The following SLC5A9 variants were observed in gnomAD, a reference collection of about 807,000 sequenced individuals.
SLC5A9 encodes the protein sodium/glucose cotransporter 4.
SLC5A9 carries 59 observed loss-of-function variants against 70.9 expected under a neutral mutation model. That is an observed-to-expected ratio of 0.83 (90% confidence interval 0.68 to 1.03). The LOEUF is 1.03. SLC5A9 is among the 50% of genes least tolerant of loss of function. The pLI is 0.00. For synonymous variants in SLC5A9, 340 were observed against 346.5 expected (o/e 0.98, Z 0.21); for missense variants, 832 against 881.1 (o/e 0.94, Z 0.71).
In SLC5A9 at chr1:48,242,492, C is replaced by A. The variant is rs747757681; in HGVS notation, c.1713C>A (p.Pro571=). The A allele has an allele frequency of 1.2e-6, 2 of 1,612,538 alleles. No individual in the cohort carries two copies. Among genetic ancestry groups the A allele is most frequent in the Admixed American group, 1.7e-5 (1 of 59,900 alleles). ...TRLTWWTRNC[P]LSELEKEAHE... ...TCACATGGTGGACTCGGAACTGCCC[C>A]CTCTCTGAGCTGGAGAAGGAGGCCC... The change falls in exon 13 of 14, where the codon CCC becomes CCA. Residue 571 remains proline, a synonymous_variant. Coordinates refer to ENST00000438567, the MANE Select transcript of SLC5A9 (RefSeq NM_001011547.3).
At chr1:48,236,239 T>TA (rs899910044) in intron 10 of SLC5A9, among the ~76,000 whole-genome samples, 21 of 151,680 alleles carry the variant, frequency 1.4e-4, no homozygotes, top group East Asian at 1.9e-4. Context: ...TAAGCCCGGT[T>TA]AAAAAAAAAT....
chr1:48,242,657 CA>C (rs747381043), intron 13 of SLC5A9, 41 bp downstream of exon 13: 152 of 1,555,122 alleles, frequency 9.8e-5, no homozygotes, highest in African/African-American at 1.8e-4. Context: ...CACAGAGGAA[CA>C]GGGGGGACAG....
intron 12 of SLC5A9, chr1:48,242,074 A>G (rs1644397433): frequency 2.2e-6 from 1 of 462,100 alleles, no homozygotes; most frequent in Admixed American, 2.3e-5. Context: ...GTGACTCTCC[A>G]TTGCCTACAG....
In SLC5A9 at chr1:48,222,734, C is replaced by T; in HGVS notation, c.-3C>T. On this transcript the variant is annotated 5_prime_UTR_variant, in exon 1 of 14. Coordinates refer to ENST00000438567, the MANE Select transcript of SLC5A9 (RefSeq NM_001011547.3). ...CCAGCCTGCTGTTGACCAACACTAA[C>T]AGATGAGCAAGGAGCTGGCAGCAAT... 6.2e-7 allele frequency: 1 copy of T among 1,614,118 alleles called. No individual in the cohort carries two copies. Among genetic ancestry groups the T allele is most frequent in the Non-Finnish European group, 8.5e-7 (1 of 1,180,008 alleles).
Position 48,233,716 on chromosome 1 carries a change from T to C in SLC5A9, c.1095T>C (p.Cys365=). ...GAATCTGTGGGGCCCGAGTGGGATG[T>C]TCCAACATTGCCTACCCTAAGTTGG... is the stretch of plus-strand genomic sequence containing the variant. ...CQRICGARVG[C]SNIAYPKLVM... The change falls in exon 9 of 14, where the codon TGT becomes TGC. Residue 365 remains cysteine (C), a synonymous_variant. Coordinates refer to ENST00000438567, the MANE Select transcript of SLC5A9 (RefSeq NM_001011547.3). 6.2e-7 allele frequency: 1 copy of C among 1,614,120 alleles called. No homozygotes were observed. Among genetic ancestry groups the C allele is most frequent in the Non-Finnish European group, 8.5e-7 (1 of 1,180,020 alleles).
chr1:48,233,558 C>A, intron 8 of SLC5A9, 97 bp from the exon 9 acceptor site: 1 of 886,478 alleles, frequency 1.1e-6, no homozygotes, highest in South Asian at 1.4e-5. Context: ...GTCAGAGTCT[C>A]CAGTGAACAT....
intron 3 of SLC5A9, 67 bp from the exon 4 acceptor site, chr1:48,229,228 G>T: frequency 1.9e-6 from 3 of 1,614,056 alleles, no homozygotes; most frequent in Non-Finnish European, 2.5e-6. Flanking sequence ...ACTGCCTCTG[G>T]GTGGGAAGCC....
Position 48,229,419 on chromosome 1 carries a change from C to T in SLC5A9, c.464C>T (p.Ser155Phe), listed in dbSNP as rs1286489866. 2 of 1,614,152 alleles carry T rather than the reference C, an allele frequency of 1.2e-6. No individual in the cohort carries two copies. The highest frequency in any genetic ancestry group is 1.7e-6 in the Non-Finnish European group (2 of 1,180,026). ...GGCCAGAGGATCCAGGTGTACATGT[C>T]TGTCCTGTCTCTCATCCTCTACATC... ...FGGQRIQVYM[S>F]VLSLILYIFT... The change falls in exon 4 of 14, where the codon TCT (serine) becomes TTT (phenylalanine). Residue 155 changes from serine (S) to phenylalanine (F), a missense_variant. Ser to Phe is a radical substitution (Grantham distance 155). Transcript: ENST00000438567.
In SLC5A9 at chr1:48,229,323, G is replaced by C; in HGVS notation, c.368G>C (p.Trp123Ser). 1 of 1,614,164 alleles carries C rather than the reference G, an allele frequency of 6.2e-7. No individual in the cohort carries two copies. The highest frequency in any genetic ancestry group is 8.5e-7 in the Non-Finnish European group (1 of 1,180,040). ...NATWLLLALG[W>S]VFVPVYIAAG... ...ACCTGGCTGCTCCTGGCCCTTGGCT[G>C]GGTCTTCGTCCCTGTGTACATCGCA... is the stretch of plus-strand genomic sequence containing the variant. The change falls in exon 4 of 14, where the codon TGG becomes TCG. Residue 123 changes from tryptophan (W) to serine (S), a missense_variant. Transcript: ENST00000438567.
chr1:48,237,242 C>T (rs945275349), intron 10 of SLC5A9, among the ~76,000 whole-genome samples: 3 of 151,096 alleles, frequency 2.0e-5, no homozygotes, highest in South Asian at 4.2e-4. Flanking sequence ...AGGATCAGCG[C>T]GTGGAGGAAG....
chr1:48,227,135 G>A (rs1422384232), intron 2 of SLC5A9, among the ~76,000 whole-genome samples: 4 of 148,402 alleles, frequency 2.7e-5, no homozygotes, highest in Non-Finnish European at 4.4e-5. Context: ...GTATGTGTGC[G>A]ACGGTGCAAG....
In SLC5A9 at chr1:48,235,943, C is replaced by A. The variant is rs897768057; in HGVS notation, c.1292+64C>A. ...CTCCCCTCTGCCCTGCCCTGGGTTA[C>A]CCTGAACAGAGGTGGCTGGGTTGGA... On this transcript the variant is annotated intron_variant, in intron 10 of 13. Transcript: ENST00000438567. The A allele has an allele frequency of 4.4e-6, 7 of 1,598,150 alleles. No homozygotes were observed. In the Admixed American group the frequency reaches 5.0e-5, roughly 11 times the overall value.
In SLC5A9 at chr1:48,229,387, AT is replaced by A. The variant is rs749340040; in HGVS notation, c.435del (p.Phe145LeufsTer52). 9 of 1,614,016 alleles carry A rather than the reference AT, an allele frequency of 5.6e-6. No homozygotes were observed. The East Asian group carries it at 2.0e-4, about 36-fold the overall frequency. ...CAATGCCGCAGTATCTGAAGAAGCG[AT>A]TTGGGGGCCAGAGGATCCAGGTGTA... is the stretch of plus-strand genomic sequence containing the variant. Reference protein sequence around the residue: ...VTMPQYLKKRFGGQRIQVYMS... With the variant: ...VTMPQYLKKRXGGQRIQVYMS... On this transcript the variant is annotated frameshift_variant, in exon 4 of 14. Coordinates refer to ENST00000438567, the MANE Select transcript of SLC5A9 (RefSeq NM_001011547.3). LOFTEE classifies it high-confidence loss of function.
Position 48,244,400 on chromosome 1 carries a change from C to G in SLC5A9, c.1837+1784C>G, listed in dbSNP as rs75928426. Among the ~76,000 whole-genome samples the G allele has an allele frequency of 6.0e-3, 911 of 152,230 alleles. 24 individuals carry two copies. The highest frequency in any genetic ancestry group is 0.052 in the South Asian group (250 of 4,816). On this transcript the variant is annotated intron_variant, in intron 13 of 13. Transcript: ENST00000438567. ...CCTCCAGACCTGAGAAGGCTCCCAC[C>G]TTTCTTGAGGCCCTTCACCTTTGCT...
chr1:48,242,774 A>T (rs1249385347), intron 13 of SLC5A9, among the ~76,000 whole-genome samples, 158 bp downstream of exon 13: 1 of 152,236 alleles, frequency 6.6e-6, no homozygotes, highest in Non-Finnish European at 1.5e-5. Flanking sequence ...AAAATAAGAC[A>T]AATGAGTCAG....
Position 48,239,490 on chromosome 1 carries a change from G to A in SLC5A9, c.1630G>A (p.Val544Ile), listed in dbSNP as rs372274033. The change falls in exon 12 of 14, where the codon GTC (valine) becomes ATC (isoleucine). Residue 544 changes from valine (V) to isoleucine (I), a missense_variant. Transcript: ENST00000438567. The surrounding 1 kb of genome is among the most constrained non-coding windows in gnomAD (Gnocchi z 4.2). ...CCTCCTCTGCGGGCTCACTGCCATCGTCATTGTCATTGTCAGCCTCTGTAC... is the reference window on the plus strand; with the variant it reads ...CCTCCTCTGCGGGCTCACTGCCATCATCATTGTCATTGTCAGCCTCTGTAC... ...AILLCGLTAIVIVIVSLCTTP... is the reference protein window; with the variant it reads ...AILLCGLTAIIIVIVSLCTTP... The A allele has an allele frequency of 6.0e-5, 97 of 1,614,144 alleles. 1 individual carries two copies. The South Asian group carries it at 6.1e-4, about 10-fold the overall frequency.
rs1644350333 is a variant in SLC5A9 at position 48,237,919 on chromosome 1, C to T, written c.1461+72C>T. ...ACCTGGTCTGTCAATCACCTGGTCT[C>T]TGTGACCTTGAGAAAATCCACTTCC... is the stretch of plus-strand genomic sequence containing the variant. On this transcript the variant is annotated intron_variant, in intron 11 of 13. Transcript: ENST00000438567. The T allele has an allele frequency of 2.7e-6, 4 of 1,499,178 alleles. No individual in the cohort carries two copies. In the East Asian group the frequency reaches 9.6e-5, roughly 36 times the overall value. 92.9% of individuals were successfully genotyped at this position (1,499,178 alleles called of 1,614,324 possible).
rs1056786279 is a variant in SLC5A9 at position 48,237,831 on chromosome 1, A to G, written c.1445A>G (p.Lys482Arg). 4.3e-6 allele frequency: 7 copies of G among 1,613,986 alleles called. No individual in the cohort carries two copies. Among genetic ancestry groups the G allele is most frequent in the Non-Finnish European group, 5.9e-6 (7 of 1,180,008 alleles). ...TALFLLAIFC[K>R]RVTEPGAFWG... is the part of the protein sequence containing the mutation. ...CTCTTCCTGCTGGCCATCTTCTGCA[A>G]GAGGGTCACAGAGCCCGTGAGTGCA... Residue 482 changes from lysine to arginine, a missense_variant, in exon 11 of 14, where the codon AAG becomes AGG. Transcript: ENST00000438567.
In SLC5A9 at chr1:48,237,757, C is replaced by T. The variant is rs746278013; in HGVS notation, c.1371C>T (p.Phe457=). The T allele has an allele frequency of 5.0e-6, 8 of 1,614,128 alleles. No individual in the cohort carries two copies. Among genetic ancestry groups the T allele is most frequent in the Admixed American group, 3.3e-5 (2 of 60,016 alleles). The part of the protein sequence containing the change: ...IIQSSNSGQL[F]DYIQAVTSYL... ...AAAGCTCCAACAGTGGGCAGCTCTT[C>T]GACTACATCCAGGCTGTCACCAGTT... The change falls in exon 11 of 14, where the codon TTC becomes TTT. Residue 457 remains phenylalanine, a synonymous_variant. Transcript: ENST00000438567.
Sources: allele counts gnomAD v4.1 joint callset (sites outside exome capture counted in the v4.1 genomes callset), GRCh38; gene constraint gnomAD v4.1.1; non-coding constraint Gnocchi (gnomAD v3.1); transcripts MANE v1.5; gene names NCBI Gene and HGNC (gene_info 2026-07-23, HGNC 2026-07-21).